Variants in WWOX observed in about 807,000 individuals in gnomAD.
The protein encoded by WWOX is WW domain-containing oxidoreductase.
Under a neutral mutation model 46.2 loss-of-function variants are expected in WWOX, and 69 were observed. That is an observed-to-expected ratio of 1.49 (90% CI 1.23 to 1.82). The LOEUF (loss-of-function observed/expected upper bound fraction) is 1.82. Among genes scored for constraint, WWOX ranks in the 40% most tolerant of loss-of-function variants. The pLI is 0.00. For missense variants in WWOX, 919 were observed against 542.6 expected, an observed-to-expected ratio of 1.69 and a Z score of -6.89; for synonymous variants, 359 against 202.6, an observed-to-expected ratio of 1.77 and a Z score of -6.56.
intron 8 of WWOX, among the ~76,000 whole-genome samples, chr16:78,610,441 A>C (rs1597344432): frequency 1.3e-5 from 2 of 152,324 alleles, no homozygotes; most frequent in East Asian, 3.9e-4. Context: ...TCTTTGAACG[A>C]GGAGCTCAAT....
chr16:78,948,777 AG>A (rs1332476543), intron 8 of WWOX, among the ~76,000 whole-genome samples: 1 of 152,148 alleles, frequency 6.6e-6, no homozygotes. Flanking sequence ...ACATGACAAA[AG>A]GGACCTTGCA....
At chr16:78,306,023 C>T (rs961822202) in intron 5 of WWOX, among the ~76,000 whole-genome samples, 16 of 151,870 alleles carry the variant, frequency 1.1e-4, no homozygotes, top group Admixed American at 6.6e-5. Flanking sequence ...TCATTGATTC[C>T]ACAATCAATT....
intron 8 of WWOX, among the ~76,000 whole-genome samples, chr16:78,582,066 G>C (rs948514123): frequency 1.3e-5 from 2 of 152,166 alleles, no homozygotes; most frequent in African/African-American, 2.4e-5. Flanking sequence ...GAGAAGGAAC[G>C]CTGGGTGCAG....
intron 8 of WWOX, among the ~76,000 whole-genome samples, chr16:78,629,880 A>G (rs1191699476): frequency 6.6e-6 from 1 of 152,242 alleles, no homozygotes; most frequent in African/African-American, 2.4e-5. Context: ...TTTTTAGAAA[A>G]TTATCTAAGA....
At chr16:78,922,824 A>T (rs937634444) in intron 8 of WWOX, among the ~76,000 whole-genome samples, 1 of 152,230 alleles carries the variant, frequency 6.6e-6, no homozygotes, top group African/African-American at 2.4e-5. Flanking sequence ...TGGGGGTCCC[A>T]GTCCTGGGCA....
intron 5 of WWOX, among the ~76,000 whole-genome samples, chr16:78,254,962 T>A: frequency 6.6e-6 from 1 of 152,302 alleles, no homozygotes; most frequent in South Asian, 2.1e-4. Flanking sequence ...TATGGAGGGC[T>A]GGGAGGAGGA....
chr16:79,171,028 T>A (rs1224001637), intron 8 of WWOX, among the ~76,000 whole-genome samples: 2 of 152,236 alleles, frequency 1.3e-5, no homozygotes, highest in Non-Finnish European at 2.9e-5. Context: ...ACCAAAGGAT[T>A]AGTCAGCCTA....
At chr16:78,501,334 C>G (rs946053335) in intron 8 of WWOX, among the ~76,000 whole-genome samples, 1 of 151,534 alleles carries the variant, frequency 6.6e-6, no homozygotes, top group South Asian at 2.1e-4. Flanking sequence ...TTATGAAAAT[C>G]TTCAGATTTT....
chr16:78,523,454 T>C (rs1597209107), intron 8 of WWOX, among the ~76,000 whole-genome samples: 1 of 152,294 alleles, frequency 6.6e-6, no homozygotes, highest in African/African-American at 2.4e-5. Context: ...CATAAATGTT[T>C]GGGGAGCTGA....
At chr16:78,782,323 A>G (rs1004079411) in intron 8 of WWOX, among the ~76,000 whole-genome samples, 1 of 151,838 alleles carries the variant, frequency 6.6e-6, no homozygotes, top group Admixed American at 6.6e-5. Context: ...CTCCCTCTCC[A>G]TCCTCTCTGT....
chr16:79,059,214 A>G (rs899653827), intron 8 of WWOX, among the ~76,000 whole-genome samples: 2 of 152,238 alleles, frequency 1.3e-5, no homozygotes, highest in African/African-American at 4.8e-5. Flanking sequence ...CTCCATGAAT[A>G]TGCTATTACA....
intron 8 of WWOX, among the ~76,000 whole-genome samples, chr16:78,970,939 C>T (rs527718516): frequency 6.6e-6 from 1 of 152,254 alleles, no homozygotes; most frequent in South Asian, 2.1e-4. Context: ...GTTTTGCTTA[C>T]TTCTGCAGCA....
At chr16:78,712,532 A>G (rs1421977631) in intron 8 of WWOX, among the ~76,000 whole-genome samples, 3 of 152,058 alleles carry the variant, frequency 2.0e-5, no homozygotes, top group South Asian at 2.1e-4. Flanking sequence ...ATTGATTAAA[A>G]GAGACTTAAG....
chr16:79,121,533 C>T (rs890709425), intron 8 of WWOX, among the ~76,000 whole-genome samples: 4 of 152,158 alleles, frequency 2.6e-5, no homozygotes, highest in African/African-American at 9.7e-5. Flanking sequence ...AGACACTCGT[C>T]TACTTGAACT....
chr16:78,934,764 C>G (rs930228396), intron 8 of WWOX, among the ~76,000 whole-genome samples: 1 of 152,010 alleles, frequency 6.6e-6, no homozygotes, highest in Non-Finnish European at 1.5e-5. Flanking sequence ...AAATGTGTTC[C>G]TGAGAGATTT....
At chr16:78,859,426 C>T (rs1262887500) in intron 8 of WWOX, among the ~76,000 whole-genome samples, 2 of 152,010 alleles carry the variant, frequency 1.3e-5, no homozygotes, top group African/African-American at 2.4e-5. Flanking sequence ...CCAGGAAGAA[C>T]TGGGTCTACT....
At chr16:79,158,018 G>A (rs1478927954) in intron 8 of WWOX, among the ~76,000 whole-genome samples, 1 of 152,154 alleles carries the variant, frequency 6.6e-6, no homozygotes, top group Non-Finnish European at 1.5e-5. Flanking sequence ...GCATTCAAAA[G>A]GGGTGCCCCC....
At chr16:78,781,407 C>G (rs1395355729) in intron 8 of WWOX, among the ~76,000 whole-genome samples, 1 of 152,132 alleles carries the variant, frequency 6.6e-6, no homozygotes, top group African/African-American at 2.4e-5. Context: ...ACTACCCCCT[C>G]CCACCTCTAG....
Position 78,932,498 on chromosome 16 carries a change from C to G in WWOX, c.1057-279110C>G, listed in dbSNP as rs1226352933. ...ACAGATAGATCCCAGATGTCTTTTTCCTGCTCTTGCAAACCTTGAAGTGGG... is the reference window on the plus strand; with the variant it reads ...ACAGATAGATCCCAGATGTCTTTTTGCTGCTCTTGCAAACCTTGAAGTGGG... On this transcript the variant is annotated intron_variant, in intron 8 of 8. Transcript: ENST00000566780. Among the ~76,000 whole-genome samples the G allele has an allele frequency of 3.9e-5, 6 of 152,316 alleles. 1 individual carries two copies. The East Asian group carries it at 9.7e-4, about 25-fold the overall frequency.
Sources: allele counts gnomAD v4.1 joint callset (sites outside exome capture counted in the v4.1 genomes callset), GRCh38; gene constraint gnomAD v4.1.1; transcripts MANE v1.5; gene names NCBI Gene and HGNC (gene_info 2026-07-23, HGNC 2026-07-21).